Variants in PDE3A observed in about 807,000 individuals in gnomAD.
PDE3A encodes the protein phosphodiesterase 3A, also known as cGMP-inhibited 3',5'-cyclic phosphodiesterase 3A.
A neutral mutation model predicts 98.3 loss-of-function variants in PDE3A; 43 were observed. The ratio of observed to expected loss-of-function variants is 0.44; its 90% CI spans 0.34 to 0.56. The LOEUF is 0.56. Ranked by LOEUF, PDE3A falls within the 20% of genes least tolerant of loss-of-function variation. The pLI, the probability that PDE3A is intolerant of heterozygous loss-of-function variation, is 0.01. For synonymous variants in PDE3A, 663 were observed against 567.9 expected, an observed-to-expected ratio of 1.17 and a Z score of -2.38; for missense variants, 1,427 against 1,440.7, an observed-to-expected ratio of 0.99 and a Z score of 0.15.
At chr12:20,542,467 A>T (rs1375036831) in intron 1 of PDE3A, among the ~76,000 whole-genome samples, 1 of 115,120 alleles carries the variant, frequency 8.7e-6, no homozygotes, top group Non-Finnish European at 2.0e-5. Flanking sequence ...ACACACACAC[A>T]CACACATACA....
chr12:20,428,111 A>C (rs1944631166), intron 1 of PDE3A, among the ~76,000 whole-genome samples: 1 of 152,122 alleles, frequency 6.6e-6, no homozygotes, highest in Non-Finnish European at 1.5e-5. Flanking sequence ...GGTTGGCTAA[A>C]TTGAGAGCTG....
rs1460762865 is a variant in PDE3A, at chr12:20,680,570, C to A, written c.*299C>A. Reference sequence around the variant, plus strand: ...GATACATGTAAAACATATTCACACCCATGCACGCACACACATACACACTGA... The same window carrying A: ...GATACATGTAAAACATATTCACACCAATGCACGCACACACATACACACTGA... On this transcript the variant is annotated 3_prime_UTR_variant, in exon 16 of 16. Coordinates refer to ENST00000359062, the MANE Select transcript of PDE3A (RefSeq NM_000921.5). The A allele has an allele frequency of 7.2e-6, 2 of 277,300 alleles. No homozygotes were observed. Among genetic ancestry groups the A allele is most frequent in the Non-Finnish European group, 1.4e-5 (2 of 146,030 alleles). 17.2% of individuals were successfully genotyped at this position (277,300 alleles called of 1,614,324 possible). A position where few individuals can be genotyped will look rare whatever the true frequency, so the allele number is the denominator to read the frequency against.
Position 20,679,479 on chromosome 12 carries a change from G to C in PDE3A, c.3185-551G>C, listed in dbSNP as rs376337955. Among the ~76,000 whole-genome samples the C allele has an allele frequency of 4.3e-4, 66 of 152,186 alleles. No individual in the cohort carries two copies. The East Asian group carries it at 4.9e-3, about 11-fold the overall frequency. ...AGCCAGGATGGTCTCAATCTCCTGA[G>C]CTCGTGATTCGCCCGCCTTGGCCTC... On this transcript the variant is annotated intron_variant, in intron 15 of 15. Coordinates refer to ENST00000359062, the MANE Select transcript of PDE3A (RefSeq NM_000921.5).
chr12:20,455,399 C>A (rs958383658), intron 1 of PDE3A, among the ~76,000 whole-genome samples: 3 of 152,076 alleles, frequency 2.0e-5, no homozygotes, highest in Non-Finnish European at 4.4e-5. Flanking sequence ...TTCTCCCATT[C>A]TGTAGATTGT....
chr12:20,583,889 G>A (rs1196135252), intron 2 of PDE3A, among the ~76,000 whole-genome samples: 1 of 152,164 alleles, frequency 6.6e-6, no homozygotes, highest in Non-Finnish European at 1.5e-5. Context: ...TTATAGAACA[G>A]GAAAGCTGTT....
intron 2 of PDE3A, among the ~76,000 whole-genome samples, chr12:20,590,625 A>G (rs1943315392): frequency 5.9e-5 from 9 of 151,886 alleles, no homozygotes; most frequent in Admixed American, 5.9e-4. Context: ...AAGAAAGGAA[A>G]GAGGAAAGGA....
chr12:20,438,764 CTTT>C (rs57996665), intron 1 of PDE3A, among the ~76,000 whole-genome samples: 1 of 145,972 alleles, frequency 6.9e-6, no homozygotes. Flanking sequence ...AAGATGTTGT[CTTT>C]TTTTTTTTTT....
intron 15 of PDE3A, among the ~76,000 whole-genome samples, chr12:20,656,352 A>C (rs1945044266): frequency 6.6e-6 from 1 of 152,216 alleles, no homozygotes; most frequent in Admixed American, 6.5e-5. Context: ...CACATAAGCA[A>C]ACATAAAGAA....
At chr12:20,440,278 G>A (rs998582286) in intron 1 of PDE3A, among the ~76,000 whole-genome samples, 4 of 152,106 alleles carry the variant, frequency 2.6e-5, no homozygotes, top group Non-Finnish European at 2.9e-5. Context: ...AAATTTTAAC[G>A]TAATTATAAG....
In PDE3A at chr12:20,523,725, C is replaced by A. The variant is rs557842216; in HGVS notation, c.961-32935C>A. Among the ~76,000 whole-genome samples, 3 of 152,196 alleles carry A rather than the reference C, an allele frequency of 2.0e-5. No homozygotes were observed. In the East Asian group the frequency reaches 5.8e-4, roughly 29 times the overall value. Reference sequence around the variant, plus strand: ...AACGGGTGTGTGATTCTTGGGATTTCTTTCAGAAAACAATACTTCCCTGAT... The same window carrying A: ...AACGGGTGTGTGATTCTTGGGATTTATTTCAGAAAACAATACTTCCCTGAT... On this transcript the variant is annotated intron_variant, in intron 1 of 15. Transcript: ENST00000359062.
At chr12:20,455,736 T>C (rs1213055340) in intron 1 of PDE3A, among the ~76,000 whole-genome samples, 2 of 152,186 alleles carry the variant, frequency 1.3e-5, no homozygotes, top group Non-Finnish European at 1.5e-5. Flanking sequence ...GTTCCTCTCC[T>C]ATTTCTCTCC....
At chr12:20,447,353 G>A (rs1392722266) in intron 1 of PDE3A, among the ~76,000 whole-genome samples, 1 of 152,202 alleles carries the variant, frequency 6.6e-6, no homozygotes, top group African/African-American at 2.4e-5. Flanking sequence ...CTAATAAGAC[G>A]ACTAGTGGCT....
chr12:20,481,062 A>G (rs966457509), intron 1 of PDE3A, among the ~76,000 whole-genome samples: 2 of 152,242 alleles, frequency 1.3e-5, no homozygotes, highest in East Asian at 3.8e-4. Flanking sequence ...TAAAAATTAT[A>G]TAAACCACTG....
Position 20,369,310 on chromosome 12 carries a change from G to C in PDE3A, c.26G>C (p.Arg9Pro), listed in dbSNP as rs575652548. ...ATGGCAGTGCCCGGCGACGCTGCAC[G>C]AGTCAGGGACAAGCCCGTCCACAGT... MAVPGDAA[R>P]VRDKPVHSGV... The change falls in exon 1 of 16, where the codon CGA (arginine) becomes CCA (proline). Residue 9 changes from arginine to proline, a missense_variant. By Grantham distance (103) the Arg-to-Pro change is moderately radical. Around this residue, in one of 3 missense-constraint regions of PDE3A, gnomAD observed 1,012 missense variants for 886.5 expected, o/e 1.14. Coordinates refer to ENST00000359062, the MANE Select transcript of PDE3A (RefSeq NM_000921.5). 6.5e-7 allele frequency: 1 copy of C among 1,532,296 alleles called. No homozygotes were observed. The highest frequency in any genetic ancestry group is 1.4e-5 in the African/African-American group (1 of 72,588). 94.9% of individuals were successfully genotyped at this position (1,532,296 alleles called of 1,614,324 possible). A position where few individuals can be genotyped will look rare whatever the true frequency, so the allele number is the denominator to read the frequency against.
intron 2 of PDE3A, among the ~76,000 whole-genome samples, chr12:20,563,043 A>G (rs1481880228): frequency 6.6e-6 from 1 of 152,160 alleles, no homozygotes; most frequent in Admixed American, 6.5e-5. Flanking sequence ...AAATTGTAAA[A>G]ATTCTAGACT....
Position 20,613,628 on chromosome 12 carries a change from T to G in PDE3A, c.1197T>G (p.Thr399=). 1 of 1,613,752 alleles carries G rather than the reference T, an allele frequency of 6.2e-7. No individual in the cohort carries two copies. The highest frequency in any genetic ancestry group is 8.5e-7 in the Non-Finnish European group (1 of 1,179,630). Reference sequence around the variant, plus strand: ...ACAAGCCCAGAGTGAATCCCGTCACTTCGCTCAGTGAAAACTATACCTGTT... The same window carrying G: ...ACAAGCCCAGAGTGAATCCCGTCACGTCGCTCAGTGAAAACTATACCTGTT... ...AIHKPRVNPV[T]SLSENYTCSD... is the part of the protein sequence containing the mutation. The change falls in exon 3 of 16, where the codon ACT becomes ACG. Residue 399 remains threonine (T), a synonymous_variant. Coordinates refer to ENST00000359062, the MANE Select transcript of PDE3A (RefSeq NM_000921.5).
chr12:20,422,158 A>G (rs370941495), intron 1 of PDE3A, among the ~76,000 whole-genome samples: 2 of 152,100 alleles, frequency 1.3e-5, no homozygotes. Context: ...CATCCTGGCT[A>G]ACACGGTGAA....
chr12:20,429,504 A>G (rs1200063712), intron 1 of PDE3A, among the ~76,000 whole-genome samples: 1 of 152,188 alleles, frequency 6.6e-6, no homozygotes, highest in Non-Finnish European at 1.5e-5. Flanking sequence ...TGCATTGATC[A>G]CATCTGTGTT....
intron 12 of PDE3A, 135 bp from the exon 13 acceptor site, chr12:20,648,553 T>C (rs1944829713): frequency 4.7e-6 from 3 of 644,862 alleles, no homozygotes; most frequent in Admixed American, 2.5e-5. Context: ...TAAGTGATTC[T>C]TAATAAGCAG....
Sources: allele counts gnomAD v4.1 joint callset (sites outside exome capture counted in the v4.1 genomes callset), GRCh38; gene constraint gnomAD v4.1.1; regional missense constraint gnomAD v4.1.1; transcripts MANE v1.5; gene names NCBI Gene and HGNC (gene_info 2026-07-23, HGNC 2026-07-21).